NTM: variants seen among roughly 807,000 people sequenced by gnomAD.
NTM encodes the protein IgLON family member 2.
A neutral mutation model predicts 42.1 loss-of-function variants in NTM; 13 were observed. The observed-to-expected ratio is 0.31, with a 90% CI of 0.20 to 0.49. The LOEUF is 0.49. NTM is among the 20% of genes least tolerant of loss of function. The pLI is 0.99. For missense variants in NTM, 373 were observed against 452.8 expected (o/e 0.82, Z 1.60); for synonymous variants, 187 against 179.2 (o/e 1.04, Z -0.35).
chr11:131,421,431 G>A (rs930202914), intron 1 of NTM, among the ~76,000 whole-genome samples: 2 of 152,178 alleles, frequency 1.3e-5, no homozygotes, highest in Non-Finnish European at 1.5e-5. Context: ...GGATGCTGAA[G>A]GTTCCTTTGG....
chr11:131,989,676 C>T (rs2066671237), intron 2 of NTM, among the ~76,000 whole-genome samples: 2 of 149,144 alleles, frequency 1.3e-5, no homozygotes, highest in African/African-American at 4.9e-5. Flanking sequence ...CAGTAGCTTA[C>T]AACAAAGGTG....
At chr11:131,791,667 C>T (rs1468713383) in intron 1 of NTM, among the ~76,000 whole-genome samples, 1 of 152,192 alleles carries the variant, frequency 6.6e-6, no homozygotes, top group Non-Finnish European at 1.5e-5. Context: ...ATTCTACACA[C>T]ATCATGTAAC....
In NTM at chr11:132,071,710, T is replaced by C. The variant is rs189785938; in HGVS notation, c.168-74572T>C. ...GTGGGTCATGAACCTCCCAGAATTATATGGGGTGTGCGTTTTTGTGTGAAA... is the reference window on the plus strand; with the variant it reads ...GTGGGTCATGAACCTCCCAGAATTACATGGGGTGTGCGTTTTTGTGTGAAA... On this transcript the variant is annotated intron_variant, in intron 2 of 8. Coordinates refer to ENST00000683400, the MANE Select transcript of NTM (RefSeq NM_001352005.2). 2.0e-4 allele frequency among the ~76,000 whole-genome samples: 30 copies of C among 152,292 alleles called. No homozygotes were observed. In the East Asian group the frequency reaches 5.8e-3, roughly 29 times the overall value.
intron 1 of NTM, among the ~76,000 whole-genome samples, chr11:131,382,812 G>A (rs1162990356): frequency 6.6e-6 from 1 of 152,196 alleles, no homozygotes; most frequent in African/African-American, 2.4e-5. Context: ...AGCAGACTCT[G>A]CCAGCTGTAG....
chr11:131,529,409 G>A (rs573451082), intron 1 of NTM, among the ~76,000 whole-genome samples: 1 of 152,210 alleles, frequency 6.6e-6, no homozygotes, highest in Non-Finnish European at 1.5e-5. Context: ...TGAACCTTGA[G>A]GGAAAAATTA....
At chr11:132,330,091 G>C in intron 7 of NTM, 62 bp from the exon 8 acceptor site, 1 of 1,546,654 alleles carries the variant, frequency 6.5e-7, no homozygotes, top group Non-Finnish European at 8.7e-7. Flanking sequence ...TCATCTGAGG[G>C]CAAAGTGAGC....
chr11:132,005,962 G>T (rs902327798), intron 2 of NTM, among the ~76,000 whole-genome samples: 1 of 152,168 alleles, frequency 6.6e-6, no homozygotes, highest in Non-Finnish European at 1.5e-5. Flanking sequence ...ACATTTGCGT[G>T]TTTCAATTAT....
intron 1 of NTM, among the ~76,000 whole-genome samples, chr11:131,878,597 ATATATATATATATAT>A (rs1565667003): frequency 0.057 from 551 of 9,714 alleles, 135 homozygotes; most frequent in Non-Finnish European, 0.087. Flanking sequence ...AAAAAAAAAT[ATATATATATATATAT>A]ATATATATAT....
chr11:132,073,449 C>T (rs1230409854), intron 2 of NTM, among the ~76,000 whole-genome samples: 1 of 152,134 alleles, frequency 6.6e-6, no homozygotes, highest in Non-Finnish European at 1.5e-5. Flanking sequence ...CCTAGCTCCC[C>T]TGGTAAAGGT....
intron 2 of NTM, among the ~76,000 whole-genome samples, chr11:132,037,095 C>G (rs2076598204): frequency 6.6e-6 from 1 of 152,132 alleles, no homozygotes; most frequent in Admixed American, 6.5e-5. Flanking sequence ...AGTTTGATCC[C>G]TGATGTTGGA....
intron 1 of NTM, among the ~76,000 whole-genome samples, chr11:131,808,201 A>G (rs1408771303): frequency 6.6e-6 from 1 of 152,206 alleles, no homozygotes; most frequent in Non-Finnish European, 1.5e-5. Flanking sequence ...ATTGATACAC[A>G]TTGATGGCTT....
rs544556087 is a variant in NTM, at chr11:132,065,252, G to A, written c.168-81030G>A. Among the ~76,000 whole-genome samples, 5 of 151,364 alleles carry A rather than the reference G, an allele frequency of 3.3e-5. No individual in the cohort carries two copies. In the South Asian group the frequency reaches 6.3e-4, roughly 19 times the overall value. Reference sequence around the variant, plus strand: ...TGTAGATGTCCTTTCTGGAACATCCGTGCATAATTAGGCTGCCCCCAACTC... The same window carrying A: ...TGTAGATGTCCTTTCTGGAACATCCATGCATAATTAGGCTGCCCCCAACTC... On this transcript the variant is annotated intron_variant, in intron 2 of 8. Coordinates refer to ENST00000683400, the MANE Select transcript of NTM (RefSeq NM_001352005.2).
chr11:131,414,682 G>A (rs1039538791), intron 1 of NTM, among the ~76,000 whole-genome samples: 1 of 152,136 alleles, frequency 6.6e-6, no homozygotes, highest in African/African-American at 2.4e-5. Flanking sequence ...GGCATGTGAT[G>A]GACTGCTGCC....
intron 7 of NTM, among the ~76,000 whole-genome samples, chr11:132,316,766 T>C (rs1047785482): frequency 6.6e-6 from 1 of 152,172 alleles, no homozygotes; most frequent in African/African-American, 2.4e-5. Flanking sequence ...AGATGAGTAT[T>C]TGCAGCCAAT....
chr11:131,397,679 C>T (rs542825738), intron 1 of NTM, among the ~76,000 whole-genome samples: 14 of 152,116 alleles, frequency 9.2e-5, no homozygotes, highest in Non-Finnish European at 1.2e-4. Flanking sequence ...TGAGTTTATT[C>T]TTCATTGTGT....
chr11:132,126,813 T>C (rs1280622878), intron 2 of NTM, among the ~76,000 whole-genome samples: 3 of 152,188 alleles, frequency 2.0e-5, no homozygotes, highest in African/African-American at 7.2e-5. Context: ...AGCCTGTTTC[T>C]CTGCCAGCTG....
chr11:131,816,341 T>A (rs2092950409), intron 1 of NTM, among the ~76,000 whole-genome samples: 1 of 152,118 alleles, frequency 6.6e-6, no homozygotes, highest in African/African-American at 2.4e-5. Context: ...CCTTATACTC[T>A]CCAAATAACA....
intron 1 of NTM, among the ~76,000 whole-genome samples, chr11:131,624,086 A>G (rs2062853214): frequency 6.6e-6 from 1 of 152,178 alleles, no homozygotes; most frequent in South Asian, 2.1e-4. Flanking sequence ...TACTCTGTGC[A>G]GAGGCTGTGT....
chr11:132,329,021 G>A (rs374816169), intron 7 of NTM, among the ~76,000 whole-genome samples: 4 of 152,268 alleles, frequency 2.6e-5, no homozygotes, highest in South Asian at 2.1e-4. Flanking sequence ...TCTCAGGGCC[G>A]CTAATGCCCA....
Sources: gnomAD v4.1 joint callset for allele counts (sites outside exome capture counted in the v4.1 genomes callset) on GRCh38, gnomAD v4.1.1 for gene constraint, MANE v1.5 for transcripts, NCBI Gene and HGNC (gene_info 2026-07-23, HGNC 2026-07-21) for gene names.